PTPRN2: variants seen among roughly 807,000 people sequenced by gnomAD.
PTPRN2 encodes receptor-type tyrosine-protein phosphatase N2.
PTPRN2 carries 74 observed loss-of-function variants against 118.8 expected under a neutral mutation model. The ratio of observed to expected loss-of-function variants is 0.62; its 90% CI spans 0.52 to 0.76. PTPRN2 has a LOEUF of 0.76. PTPRN2 is among the 30% of genes least tolerant of loss of function. The pLI, the probability that PTPRN2 is intolerant of heterozygous loss-of-function variation, is 0.00. For missense variants in PTPRN2, 1,481 were observed against 1,394.4 expected (o/e 1.06, Z -0.99); for synonymous variants, 641 against 608.0 (o/e 1.05, Z -0.80).
intron 11 of PTPRN2, among the ~76,000 whole-genome samples, chr7:158,018,361 C>G (rs1806595242): frequency 6.6e-6 from 1 of 150,502 alleles, no homozygotes; most frequent in South Asian, 2.1e-4. Context: ...CCAGAGAAGA[C>G]AGGCGTAGCG....
At chr7:158,441,698 ATGG>A (rs1817279227) in intron 2 of PTPRN2, among the ~76,000 whole-genome samples, 1 of 85,552 alleles carries the variant, frequency 1.2e-5, no homozygotes, top group Non-Finnish European at 2.3e-5. Flanking sequence ...GGTGATGGCA[ATGG>A]TGGCAGTGGT....
At chr7:157,947,464 C>G (rs138849463) in intron 11 of PTPRN2, among the ~76,000 whole-genome samples, 2 of 152,162 alleles carry the variant, frequency 1.3e-5, no homozygotes, top group African/African-American at 4.8e-5. Flanking sequence ...GGATTGGTGG[C>G]CTAAGTTCCT....
intron 3 of PTPRN2, among the ~76,000 whole-genome samples, chr7:158,261,666 G>A (rs574868528): frequency 2.6e-5 from 4 of 152,232 alleles, no homozygotes; most frequent in South Asian, 2.1e-4. Context: ...CTCCGGGACC[G>A]CAGGCTCCCC....
intron 2 of PTPRN2, among the ~76,000 whole-genome samples, chr7:158,416,956 T>G (rs941130714): frequency 3.9e-5 from 6 of 152,216 alleles, no homozygotes; most frequent in Admixed American, 3.3e-4. Context: ...ATGGGGAGAA[T>G]GCTCACAACT....
chr7:157,688,179 C>CTGTTTTAAA (rs1365317993), intron 12 of PTPRN2, among the ~76,000 whole-genome samples: 3 of 152,220 alleles, frequency 2.0e-5, no homozygotes, highest in African/African-American at 7.2e-5. Flanking sequence ...TTGGGATATA[C>CTGTTTTAAA]TGTTTTAAAA....
intron 10 of PTPRN2, among the ~76,000 whole-genome samples, chr7:158,101,540 T>G (rs908897436): frequency 3.9e-5 from 6 of 152,180 alleles, no homozygotes. Context: ...ACTAAAAAGT[T>G]TCTGCACAGC....
At chr7:157,966,215 G>A (rs1801909127) in intron 11 of PTPRN2, among the ~76,000 whole-genome samples, 1 of 152,138 alleles carries the variant, frequency 6.6e-6, no homozygotes, top group African/African-American at 2.4e-5. Context: ...CAACACTGCT[G>A]TCCTGGTTTA....
chr7:158,375,118 C>T (rs1239645663), intron 2 of PTPRN2, among the ~76,000 whole-genome samples: 1 of 152,170 alleles, frequency 6.6e-6, no homozygotes, highest in Non-Finnish European at 1.5e-5. Flanking sequence ...CTTCACGTGG[C>T]AGTGAGACCC....
chr7:158,494,389 C>T (rs533229427), intron 1 of PTPRN2, among the ~76,000 whole-genome samples: 64 of 152,372 alleles, frequency 4.2e-4, no homozygotes, highest in African/African-American at 1.5e-3. Flanking sequence ...CTGTCATCAG[C>T]AGCAGGATGC....
At chr7:157,852,220 C>G (rs573966458) in intron 12 of PTPRN2, among the ~76,000 whole-genome samples, 2 of 152,310 alleles carry the variant, frequency 1.3e-5, no homozygotes, top group South Asian at 4.1e-4. Flanking sequence ...AAACTCTGCT[C>G]AATTATATAA....
At chr7:158,323,521 G>T (rs1803207238) in intron 2 of PTPRN2, among the ~76,000 whole-genome samples, 2 of 152,198 alleles carry the variant, frequency 1.3e-5, no homozygotes, top group Admixed American at 1.3e-4. Context: ...GGAGCAAAAG[G>T]TTTGCTTAGA....
intron 2 of PTPRN2, among the ~76,000 whole-genome samples, chr7:158,332,908 C>G (rs545627575): frequency 6.7e-6 from 1 of 150,220 alleles, no homozygotes; most frequent in African/African-American, 2.5e-5. Context: ...TCACTCACAC[C>G]CACACTCTCA....
chr7:157,691,388 C>G (rs1797490823), intron 12 of PTPRN2, among the ~76,000 whole-genome samples: 1 of 152,140 alleles, frequency 6.6e-6, no homozygotes, highest in Non-Finnish European at 1.5e-5. Context: ...CACGGCATAT[C>G]GTTCTTCCCA....
chr7:157,576,915 G>A (rs981891903), intron 18 of PTPRN2, 136 bp from the exon 19 acceptor site: 1 of 919,914 alleles, frequency 1.1e-6, no homozygotes, highest in Non-Finnish European at 1.6e-6. Context: ...TACAGCGCAG[G>A]TGGGTTCCCT....
chr7:157,575,911 G>A (rs936115633), intron 19 of PTPRN2, among the ~76,000 whole-genome samples: 1 of 152,126 alleles, frequency 6.6e-6, no homozygotes, highest in African/African-American at 2.4e-5. Context: ...TTTCCTTGTG[G>A]TGGTTTATTC....
At chr7:157,754,609 A>G (rs1464985620) in intron 12 of PTPRN2, among the ~76,000 whole-genome samples, 1 of 152,178 alleles carries the variant, frequency 6.6e-6, no homozygotes, top group Non-Finnish European at 1.5e-5. Flanking sequence ...CCTTTGGAGG[A>G]GGCCGAGGCT....
intron 3 of PTPRN2, among the ~76,000 whole-genome samples, chr7:158,249,776 T>C (rs1796543622): frequency 6.6e-6 from 1 of 152,218 alleles, no homozygotes. Context: ...TGTGACATCA[T>C]TGCCAAGCAT....
At chr7:158,142,384 C>T (rs1225293060) in intron 6 of PTPRN2, among the ~76,000 whole-genome samples, 2 of 152,234 alleles carry the variant, frequency 1.3e-5, no homozygotes, top group Non-Finnish European at 2.9e-5. Flanking sequence ...GACGCTGGCG[C>T]ATCCCTGTAT....
chr7:158,091,194 C>G (rs1814092291), intron 10 of PTPRN2, among the ~76,000 whole-genome samples: 1 of 152,172 alleles, frequency 6.6e-6, no homozygotes, highest in African/African-American at 2.4e-5. Flanking sequence ...CATTTGACTA[C>G]AGTTTTCTGA....
Sources: gnomAD v4.1 joint callset for allele counts (sites outside exome capture counted in the v4.1 genomes callset) on GRCh38, gnomAD v4.1.1 for gene constraint, MANE v1.5 for transcripts, NCBI Gene and HGNC (gene_info 2026-07-23, HGNC 2026-07-21) for gene names.